The following UBAP2 variants were observed in gnomAD, a reference collection of about 807,000 sequenced individuals.
UBAP2 encodes the protein ubiquitin-associated protein 2.
A neutral mutation model predicts 139.6 loss-of-function variants in UBAP2; 75 were observed. The ratio of observed to expected loss-of-function variants is 0.54; its 90% CI spans 0.45 to 0.65. The LOEUF (loss-of-function observed/expected upper bound fraction) is 0.65, where lower values mean the gene tolerates loss of function less well. Among genes scored for constraint, UBAP2 ranks in the 30% least tolerant of loss-of-function variants. The pLI is 0.00. For synonymous variants in UBAP2, 526 were observed against 526.2 expected, an observed-to-expected ratio of 1.00 and a Z score of 0.01; for missense variants, 1,368 against 1,369.6, an observed-to-expected ratio of 1.00 and a Z score of 0.02.
chr9:33,989,894 G>A (rs932933253), intron 4 of UBAP2, among the ~76,000 whole-genome samples: 1 of 152,036 alleles, frequency 6.6e-6, no homozygotes, highest in Non-Finnish European at 1.5e-5. Flanking sequence ...CAATTTAATG[G>A]CAGATAAGTA....
intron 3 of UBAP2, chr9:33,997,990 C>G (rs924374878): frequency 5.3e-5 from 8 of 152,070 alleles, no homozygotes; most frequent in African/African-American, 1.7e-4. Context: ...AAAGGGTCAG[C>G]AAAGAAGAGT....
At chr9:33,972,357 T>C (rs979712151) in intron 7 of UBAP2, among the ~76,000 whole-genome samples, 1 of 152,140 alleles carries the variant, frequency 6.6e-6, no homozygotes, top group Non-Finnish European at 1.5e-5. Context: ...CACAAAACAA[T>C]TTAAAGCTAA....
intron 2 of UBAP2, among the ~76,000 whole-genome samples, chr9:34,005,265 GAAA>G (rs1023617544): frequency 2.3e-5 from 2 of 88,472 alleles, no homozygotes; most frequent in African/African-American, 4.6e-5. Context: ...TGTGTCTCAA[GAAA>G]AAAAAAAAAA....
At chr9:33,961,030 A>C in intron 9 of UBAP2, 152 bp from the exon 10 acceptor site, 1 of 696,764 alleles carries the variant, frequency 1.4e-6, no homozygotes, top group Non-Finnish European at 2.5e-6. Flanking sequence ...GACGTTCTTA[A>C]TCTATTCTCG....
At chr9:33,968,141 C>T (rs902326772) in intron 8 of UBAP2, 8 of 569,046 alleles carry the variant, frequency 1.4e-5, no homozygotes, top group Non-Finnish European at 2.8e-5. Context: ...CAACAGGACA[C>T]AGACAAATCC....
intron 6 of UBAP2, among the ~76,000 whole-genome samples, chr9:33,979,813 AGCCGAGATTGCACCACT>A (rs1820480413): frequency 6.6e-6 from 1 of 152,140 alleles, no homozygotes; most frequent in South Asian, 2.1e-4. Context: ...GGTTGCAGTG[AGCCGAGATTGCACCACT>A]GCACTCCAGC....
rs181234484 is a variant in UBAP2, at chr9:33,998,846, G to A, written c.118C>T (p.Arg40Cys). The A allele has an allele frequency of 9.9e-6, 16 of 1,610,970 alleles. No homozygotes were observed. Among genetic ancestry groups the A allele is most frequent in the East Asian group, 2.2e-5 (1 of 44,844 alleles). ...QVVQATAEQM[R>C]LAQVIFDKND... ...TTATCAAAGATCACTTGAGCGAGAC[G>A]CATCTGTTCAGCTGTTGCCTGGAAA... Residue 40 changes from arginine to cysteine, a missense_variant, in exon 3 of 29, where the codon CGT becomes TGT. Physicochemically the swap from Arg to Cys is radical, Grantham distance 180. Transcript: ENST00000379238.
At chr9:33,978,784 A>G (rs184378046) in intron 6 of UBAP2, among the ~76,000 whole-genome samples, 300 of 152,354 alleles carry the variant, frequency 2.0e-3, no homozygotes, top group African/African-American at 5.7e-3. Flanking sequence ...CGTCTCAAAA[A>G]AAAGAAAGAA....
intron 2 of UBAP2, among the ~76,000 whole-genome samples, chr9:34,007,306 G>A (rs143790607): frequency 1.4e-4 from 21 of 152,052 alleles, no homozygotes; most frequent in Non-Finnish European, 2.9e-4. Context: ...CCAGCCCTGT[G>A]GGTAACTTGG....
At chr9:34,019,106 A>C (rs1824665503) in intron 1 of UBAP2, among the ~76,000 whole-genome samples, 1 of 152,104 alleles carries the variant, frequency 6.6e-6, no homozygotes, top group African/African-American at 2.4e-5. Flanking sequence ...CCAGTCAAAA[A>C]AGGACAAATA....
At chr9:33,936,691 C>G (rs1484154559) in intron 16 of UBAP2, among the ~76,000 whole-genome samples, 1 of 151,882 alleles carries the variant, frequency 6.6e-6, no homozygotes, top group African/African-American at 2.4e-5. Flanking sequence ...GGAGACAATA[C>G]CACTATAGAT....
intron 1 of UBAP2, among the ~76,000 whole-genome samples, chr9:34,040,307 G>C (rs1342279673): frequency 3.6e-5 from 4 of 112,236 alleles, no homozygotes; most frequent in African/African-American, 1.4e-4. Flanking sequence ...CTGGGTGACA[G>C]AATGAGACTC....
At chr9:33,997,907 C>T (rs930402234) in intron 3 of UBAP2, 47 of 152,184 alleles carry the variant, frequency 3.1e-4, no homozygotes, top group African/African-American at 1.0e-3. Context: ...AATTATTAGA[C>T]GACATCTACC....
At chr9:34,018,601 C>T (rs1449913908) in intron 1 of UBAP2, among the ~76,000 whole-genome samples, 1 of 152,200 alleles carries the variant, frequency 6.6e-6, no homozygotes, top group Non-Finnish European at 1.5e-5. Flanking sequence ...CGGTCACTCA[C>T]GCCTGTAATC....
At chr9:34,033,867 C>A (rs780976480) in intron 1 of UBAP2, among the ~76,000 whole-genome samples, 1 of 151,996 alleles carries the variant, frequency 6.6e-6, no homozygotes, top group East Asian at 1.9e-4. Context: ...TCCCAAGTAG[C>A]TGGGATTACA....
chr9:33,967,868 G>GA (rs540809017), intron 8 of UBAP2, among the ~76,000 whole-genome samples: 60 of 152,258 alleles, frequency 3.9e-4, no homozygotes, highest in African/African-American at 1.4e-3. Flanking sequence ...GTCAGCAGGA[G>GA]AAAAAATACT....
chr9:34,017,693 G>A (rs186152116), intron 1 of UBAP2, among the ~76,000 whole-genome samples: 43 of 152,232 alleles, frequency 2.8e-4, no homozygotes, highest in Admixed American at 7.2e-4. Context: ...TCACGAGGCC[G>A]AGGCAGGCAG....
At chr9:34,048,590 GA>G (rs1827834071) in intron 1 of UBAP2, among the ~76,000 whole-genome samples, 1 of 152,154 alleles carries the variant, frequency 6.6e-6, no homozygotes, top group Non-Finnish European at 1.5e-5. Context: ...CTGGACGGGG[GA>G]AAGTAGGAAG....
At chr9:33,980,682 G>A (rs1820583856) in intron 6 of UBAP2, among the ~76,000 whole-genome samples, 1 of 152,014 alleles carries the variant, frequency 6.6e-6, no homozygotes, top group Admixed American at 6.6e-5. Flanking sequence ...CAGGCCAGAC[G>A]CTGTGGCTCA....
Sources: allele counts gnomAD v4.1 joint callset (sites outside exome capture counted in the v4.1 genomes callset), GRCh38; gene constraint gnomAD v4.1.1; transcripts MANE v1.5; gene names NCBI Gene and HGNC (gene_info 2026-07-23, HGNC 2026-07-21).